The following BMPR2 variants were observed in gnomAD, a reference collection of about 807,000 sequenced individuals.
The protein encoded by BMPR2 is bone morphogenetic protein receptor type-2.
BMPR2 carries 29 observed loss-of-function variants against 100.8 expected under a neutral mutation model. That is an observed-to-expected ratio of 0.29 (90% CI 0.21 to 0.39). BMPR2 has a LOEUF of 0.39. BMPR2 is among the 10% of genes least tolerant of loss of function. The pLI, the probability that BMPR2 is intolerant of heterozygous loss-of-function variation, is 1.00. For synonymous variants in BMPR2, 382 were observed against 442.3 expected (o/e 0.86, Z 1.71); for missense variants, 1,011 against 1,274.5 (o/e 0.79, Z 3.15).
intron 1 of BMPR2, among the ~76,000 whole-genome samples, chr2:202,437,881 G>A (rs1691647197): frequency 6.7e-6 from 1 of 150,266 alleles, no homozygotes; most frequent in Non-Finnish European, 1.5e-5. Context: ...TGGACATGCG[G>A]TTGTTTCCAC....
chr2:202,531,057 C>G, intron 8 of BMPR2, 103 bp downstream of exon 8: 1 of 1,397,752 alleles, frequency 7.2e-7, no homozygotes, highest in African/African-American at 1.4e-5. Context: ...AATCCCAGCA[C>G]TTTGGTAGGC....
intron 1 of BMPR2, among the ~76,000 whole-genome samples, chr2:202,420,578 TTGC>T (rs1691241499): frequency 7.1e-6 from 1 of 140,722 alleles, no homozygotes; most frequent in Admixed American, 7.6e-5. Flanking sequence ...AGACAGAGTC[TTGC>T]TGTCGTCCAG....
chr2:202,503,532 T>C lies in BMPR2; in HGVS notation c.419-10187T>C, dbSNP rs1047666669. Among the ~76,000 whole-genome samples the C allele has an allele frequency of 2.6e-5, 4 of 152,136 alleles. No homozygotes were observed. Among genetic ancestry groups the C allele is most frequent in the Non-Finnish European group, 4.4e-5 (3 of 68,002 alleles). On this transcript the variant is annotated intron_variant, in intron 3 of 12. Transcript: ENST00000374580. The surrounding 1 kb of genome is among the most constrained non-coding windows in gnomAD (Gnocchi z 4.0). The stretch of plus-strand genomic sequence containing the variant: ...CACCCAGGCCAGCAGCTGCGGAGGG[T>C]GTACTGGGTCCCCCAGCAGTGCCAG...
intron 1 of BMPR2, among the ~76,000 whole-genome samples, chr2:202,403,803 C>T (rs938985504): frequency 2.6e-5 from 4 of 152,024 alleles, no homozygotes; most frequent in South Asian, 2.1e-4. Flanking sequence ...GTCGGGAGTT[C>T]AAGACCAGCC....
At chr2:202,396,946 C>T (rs1005681802) in intron 1 of BMPR2, among the ~76,000 whole-genome samples, 3 of 152,090 alleles carry the variant, frequency 2.0e-5, no homozygotes, top group Admixed American at 6.5e-5. Flanking sequence ...TACAGTCATG[C>T]GCCACCACGC....
intron 3 of BMPR2, among the ~76,000 whole-genome samples, chr2:202,511,270 C>T (rs1687618779): frequency 6.6e-6 from 1 of 152,118 alleles, no homozygotes; most frequent in Non-Finnish European, 1.5e-5. Flanking sequence ...TTTTGTAAAT[C>T]CTTTGTAGGA....
intron 3 of BMPR2, among the ~76,000 whole-genome samples, chr2:202,511,572 T>A (rs1687625312): frequency 6.7e-6 from 1 of 150,004 alleles, no homozygotes; most frequent in Non-Finnish European, 1.5e-5. Flanking sequence ...GCCAGCGCTT[T>A]TTATTTTCTT....
intron 1 of BMPR2, among the ~76,000 whole-genome samples, chr2:202,449,845 C>CCCAA (rs1045405236): frequency 3.3e-5 from 5 of 152,024 alleles, no homozygotes; most frequent in African/African-American, 1.2e-4. Flanking sequence ...CGCCTGTAAT[C>CCCAA]CCAACACTTT....
chr2:202,563,689 T>A lies in BMPR2; in HGVS notation c.*3743T>A, dbSNP rs1688711894. On this transcript the variant is annotated 3_prime_UTR_variant, in exon 13 of 13. Coordinates refer to ENST00000374580, the MANE Select transcript of BMPR2 (RefSeq NM_001204.7). Reference sequence around the variant, plus strand: ...ATTGCAGAACTAATGGTAAAGTAAATTTTACGGAAAAAGTTAAGATAGCTT... The same window carrying A: ...ATTGCAGAACTAATGGTAAAGTAAAATTTACGGAAAAAGTTAAGATAGCTT... The A allele has an allele frequency of 6.6e-6, 1 of 152,144 alleles. No individual in the cohort carries two copies. Among genetic ancestry groups the A allele is most frequent in the South Asian group, 2.1e-4 (1 of 4,826 alleles). The allele number at this position is 152,144 out of a possible 1,614,324, so 9.4% of individuals were successfully genotyped here.
intron 3 of BMPR2, among the ~76,000 whole-genome samples, chr2:202,478,188 T>C (rs1276954479): frequency 2.0e-5 from 3 of 152,176 alleles, no homozygotes; most frequent in African/African-American, 7.2e-5. Context: ...CTTTTGTGGT[T>C]TGAAATGGCC....
chr2:202,402,986 G>C (rs909249900), intron 1 of BMPR2, among the ~76,000 whole-genome samples: 2 of 151,262 alleles, frequency 1.3e-5, no homozygotes, highest in Admixed American at 1.3e-4. Flanking sequence ...GCGCCACCAC[G>C]CCCGGCTAAT....
intron 1 of BMPR2, among the ~76,000 whole-genome samples, chr2:202,421,492 A>G (rs1383880263): frequency 2.8e-5 from 4 of 144,272 alleles, no homozygotes; most frequent in Non-Finnish European, 6.0e-5. Flanking sequence ...CAAGTTTTGC[A>G]TTATACAAGA....
At chr2:202,543,556 T>C (rs1304160748) in intron 10 of BMPR2, among the ~76,000 whole-genome samples, 24 of 151,862 alleles carry the variant, frequency 1.6e-4, no homozygotes, top group Admixed American at 1.6e-3. Context: ...TGATAATTAT[T>C]GTATTAAAAA....
At chr2:202,377,654 C>A in intron 1 of BMPR2, 104 bp downstream of exon 1, 1 of 1,371,578 alleles carries the variant, frequency 7.3e-7, no homozygotes, top group Non-Finnish European at 1.0e-6. Flanking sequence ...CATGCGTCCC[C>A]CCGATCGCGG....
Position 202,485,545 on chromosome 2 carries a change from C to CTTTTTTTTTTTTTTTTTTTTTGT in BMPR2, c.418+17875_418+17876insTTGTTTTTTTTTTTTTTTTTTTT. On this transcript the variant is annotated intron_variant, in intron 3 of 12. Transcript: ENST00000374580. Reference sequence around the variant, plus strand: ...GTCTCAAATCTCCCTTTGCCTTTATCTTTTTTTTTTTTTTTTTTTGAGACA... The same window carrying CTTTTTTTTTTTTTTTTTTTTTGT: ...GTCTCAAATCTCCCTTTGCCTTTATCTTTTTTTTTTTTTTTTTTTTTGTTTTTTTTTTTTTTTTTTTTGAGACA... Among the ~76,000 whole-genome samples, 2 of 64,008 alleles carry CTTTTTTTTTTTTTTTTTTTTTGT rather than the reference C, an allele frequency of 3.1e-5. 1 individual carries two copies. Among genetic ancestry groups the CTTTTTTTTTTTTTTTTTTTTTGT allele is most frequent in the Non-Finnish European group, 5.4e-5 (2 of 37,164 alleles). 42.0% of individuals were successfully genotyped at this position (64,008 alleles called of 152,430 possible).
intron 7 of BMPR2, among the ~76,000 whole-genome samples, chr2:202,527,571 G>T (rs1190408231): frequency 6.8e-6 from 1 of 148,038 alleles, no homozygotes. Context: ...GGATCATGAG[G>T]TCAGGAGATC....
At position 202,418,957 on chromosome 2, in the gene BMPR2, A is replaced by C. The variant is rs190940228; in HGVS notation, c.76+41407A>C. ...TGGCAAATAAACATATTTGGGGTTA[A>C]AATATTCTGATTTCTTTCCTTATCT... On this transcript the variant is annotated intron_variant, in intron 1 of 12. Coordinates refer to ENST00000374580, the MANE Select transcript of BMPR2 (RefSeq NM_001204.7). Among the ~76,000 whole-genome samples the C allele has an allele frequency of 2.7e-4, 41 of 152,310 alleles. No homozygotes were observed. The East Asian group carries it at 6.2e-3, about 23-fold the overall frequency.
intron 1 of BMPR2, among the ~76,000 whole-genome samples, chr2:202,414,060 T>G (rs1574435531): frequency 6.6e-6 from 1 of 152,264 alleles, no homozygotes. Context: ...AACTGTGTTT[T>G]GAACAAATTG....
chr2:202,397,221 TCATC>T (rs1690672257), intron 1 of BMPR2, among the ~76,000 whole-genome samples: 1 of 152,098 alleles, frequency 6.6e-6, no homozygotes, highest in African/African-American at 2.4e-5. Flanking sequence ...ACCTAAGACA[TCATC>T]AATCATAGGA....
Sources: allele counts gnomAD v4.1 joint callset (sites outside exome capture counted in the v4.1 genomes callset), GRCh38; gene constraint gnomAD v4.1.1; non-coding constraint Gnocchi (gnomAD v3.1); transcripts MANE v1.5; gene names NCBI Gene and HGNC (gene_info 2026-07-23, HGNC 2026-07-21).